The following SPIDR variants were observed in gnomAD, a reference collection of about 807,000 sequenced individuals.
SPIDR encodes the protein scaffold protein involved in DNA repair.
Under a neutral mutation model 104.6 loss-of-function variants are expected in SPIDR, and 93 were observed. The ratio of observed to expected loss-of-function variants is 0.89; its 90% CI spans 0.75 to 1.06. The LOEUF (loss-of-function observed/expected upper bound fraction) is 1.06, where lower values mean the gene tolerates loss of function less well. Among genes scored for constraint, SPIDR ranks in the 50% least tolerant of loss-of-function variants. The pLI, the probability that SPIDR is intolerant of heterozygous loss-of-function variation, is 0.00. For synonymous variants in SPIDR, 431 were observed against 416.9 expected, an observed-to-expected ratio of 1.03 and a Z score of -0.41; for missense variants, 1,154 against 1,111.2, an observed-to-expected ratio of 1.04 and a Z score of -0.55.
chr8:47,337,498 T>C (rs550432208), intron 5 of SPIDR, among the ~76,000 whole-genome samples: 173 of 152,304 alleles, frequency 1.1e-3, no homozygotes, highest in African/African-American at 3.7e-3. Context: ...TCTTTTTTTT[T>C]CCCAGATGTA....
chr8:47,696,128 C>T (rs1192265457), intron 11 of SPIDR, among the ~76,000 whole-genome samples: 1 of 152,194 alleles, frequency 6.6e-6, no homozygotes, highest in East Asian at 1.9e-4. Flanking sequence ...TTTCTTGTCG[C>T]ACGATGGGAA....
chr8:47,590,063 A>G (rs1014767608), intron 8 of SPIDR, among the ~76,000 whole-genome samples: 1 of 151,836 alleles, frequency 6.6e-6, no homozygotes, highest in African/African-American at 2.4e-5. Context: ...AATCCCAGCT[A>G]CTCAGGAGGC....
intron 1 of SPIDR, among the ~76,000 whole-genome samples, chr8:47,273,235 A>G (rs1227348513): frequency 1.3e-5 from 2 of 152,216 alleles, no homozygotes; most frequent in Non-Finnish European, 2.9e-5. Context: ...TCAATTGAAT[A>G]TAAATAGGGA....
chr8:47,581,902 C>T (rs886553872), intron 8 of SPIDR, among the ~76,000 whole-genome samples: 6 of 152,148 alleles, frequency 3.9e-5, no homozygotes, highest in African/African-American at 7.2e-5. Context: ...ACAAGCAAAT[C>T]GATCCTAATT....
rs376026252 is a variant in SPIDR at position 47,632,622 on chromosome 8, T to C, written c.1544+33426T>C. ...GAATGTCGGCAAACTCTAATGGTCC[T>C]CATTCCCACTGCACAGCATTTCAGT... On this transcript the variant is annotated intron_variant, in intron 10 of 19. Coordinates refer to ENST00000297423, the MANE Select transcript of SPIDR (RefSeq NM_001080394.4). 3.8e-3 allele frequency among the ~76,000 whole-genome samples: 574 copies of C among 152,338 alleles called. 3 individuals carry two copies. Among genetic ancestry groups the C allele is most frequent in the South Asian group, 0.022 (107 of 4,828 alleles).
In SPIDR at chr8:47,589,516, C is replaced by T. The variant is rs552686347; in HGVS notation, c.1098-6295C>T. Among the ~76,000 whole-genome samples, 24 of 151,366 alleles carry T rather than the reference C, an allele frequency of 1.6e-4. No homozygotes were observed. The South Asian group carries it at 4.8e-3, about 30-fold the overall frequency. On this transcript the variant is annotated intron_variant, in intron 8 of 19. Coordinates refer to ENST00000297423, the MANE Select transcript of SPIDR (RefSeq NM_001080394.4). ...CTGCAGCCTGGGCAACAGAGCATGA[C>T]TCCATCTCAAAACAAAAAAAAAAAA... is the stretch of plus-strand genomic sequence containing the variant.
At chr8:47,268,336 G>A (rs1490098232) in intron 1 of SPIDR, among the ~76,000 whole-genome samples, 2 of 152,136 alleles carry the variant, frequency 1.3e-5, no homozygotes, top group Non-Finnish European at 2.9e-5. Context: ...ATTTCCATAT[G>A]AATAATAGCA....
At chr8:47,365,255 G>A (rs543592015) in intron 5 of SPIDR, among the ~76,000 whole-genome samples, 1 of 152,326 alleles carries the variant, frequency 6.6e-6, no homozygotes, top group South Asian at 2.1e-4. Flanking sequence ...CAAGTGGCAT[G>A]AGAAAGGATG....
intron 8 of SPIDR, among the ~76,000 whole-genome samples, chr8:47,506,868 C>A (rs950519121): frequency 6.6e-6 from 1 of 152,118 alleles, no homozygotes. Flanking sequence ...CCCTCCAAAT[C>A]GATTGTTGTT....
intron 5 of SPIDR, among the ~76,000 whole-genome samples, chr8:47,369,089 G>A (rs2057651955): frequency 6.6e-6 from 1 of 152,202 alleles, no homozygotes; most frequent in African/African-American, 2.4e-5. Flanking sequence ...GAGTGGGTTT[G>A]TATATGAAGA....
At chr8:47,632,429 A>G (rs2067206093) in intron 10 of SPIDR, among the ~76,000 whole-genome samples, 1 of 152,106 alleles carries the variant, frequency 6.6e-6, no homozygotes, top group Non-Finnish European at 1.5e-5. Flanking sequence ...GTTCATTAGT[A>G]TTTTTCATGT....
At chr8:47,417,311 T>G (rs2064529328) in intron 7 of SPIDR, among the ~76,000 whole-genome samples, 1 of 152,226 alleles carries the variant, frequency 6.6e-6, no homozygotes, top group Admixed American at 6.5e-5. Flanking sequence ...TTTTTAATGA[T>G]CGCCATTCTA....
At chr8:47,597,132 T>TA (rs2061709761) in intron 9 of SPIDR, among the ~76,000 whole-genome samples, 1 of 152,358 alleles carries the variant, frequency 6.6e-6, no homozygotes, top group Admixed American at 6.5e-5. Context: ...AGTAAATACA[T>TA]AAGCCAGTAA....
intron 5 of SPIDR, among the ~76,000 whole-genome samples, chr8:47,306,298 G>A (rs1467631776): frequency 3.9e-5 from 6 of 151,982 alleles, no homozygotes; most frequent in Admixed American, 3.9e-4. Flanking sequence ...ACGCCACCAC[G>A]CCTAGCTAAT....
At chr8:47,402,739 A>T (rs1554664157) in intron 6 of SPIDR, among the ~76,000 whole-genome samples, 1 of 152,088 alleles carries the variant, frequency 6.6e-6, no homozygotes, top group Non-Finnish European at 1.5e-5. Context: ...AAAGTCCAGG[A>T]CCAGACGGAT....
At chr8:47,609,078 GT>G (rs2154430203) in intron 10 of SPIDR, among the ~76,000 whole-genome samples, 1 of 152,322 alleles carries the variant, frequency 6.6e-6, no homozygotes, top group African/African-American at 2.4e-5. Context: ...TTAGAGAAAT[GT>G]CTTTCAAGTC....
At chr8:47,581,140 G>A (rs906842572) in intron 8 of SPIDR, among the ~76,000 whole-genome samples, 4 of 152,082 alleles carry the variant, frequency 2.6e-5, no homozygotes, top group Admixed American at 6.6e-5. Context: ...TCTGTCTCCC[G>A]TGTAGAAGGC....
At chr8:47,348,988 G>C (rs535811329) in intron 5 of SPIDR, among the ~76,000 whole-genome samples, 1 of 152,262 alleles carries the variant, frequency 6.6e-6, no homozygotes, top group African/African-American at 2.4e-5. Context: ...AGCTTTATTT[G>C]ATTGCTCGTG....
At chr8:47,405,020 G>A (rs2062518363) in intron 6 of SPIDR, among the ~76,000 whole-genome samples, 1 of 152,192 alleles carries the variant, frequency 6.6e-6, no homozygotes, top group South Asian at 2.1e-4. Context: ...GTGCTATGCA[G>A]CTGTAAGAAA....
Sources: allele counts gnomAD v4.1 joint callset (sites outside exome capture counted in the v4.1 genomes callset), GRCh38; gene constraint gnomAD v4.1.1; transcripts MANE v1.5; gene names NCBI Gene and HGNC (gene_info 2026-07-23, HGNC 2026-07-21).